VAV2: variants seen among roughly 807,000 people sequenced by gnomAD.
VAV2 encodes the protein guanine nucleotide exchange factor VAV2.
Under a neutral mutation model 132.5 loss-of-function variants are expected in VAV2, and 67 were observed. The ratio of observed to expected loss-of-function variants is 0.51; its 90% confidence interval spans 0.42 to 0.62. The LOEUF is 0.62. Ranked by LOEUF, VAV2 falls within the 20% of genes least tolerant of loss-of-function variation. VAV2 has a pLI of 0.00. For synonymous variants in VAV2, 492 were observed against 443.5 expected (o/e 1.11, Z -1.37); for missense variants, 938 against 1,153.6 (o/e 0.81, Z 2.71).
At position 133,802,618 on chromosome 9, in the gene VAV2, G is replaced by A. The variant is rs761866795; in HGVS notation, c.836+3463C>T. Among the ~76,000 whole-genome samples, 19 of 152,284 alleles carry A rather than the reference G, an allele frequency of 1.2e-4. No homozygotes were observed. Among genetic ancestry groups the A allele is most frequent in the East Asian group, 7.7e-4 (4 of 5,178 alleles). On this transcript the variant is annotated intron_variant, in intron 9 of 29. Transcript: ENST00000371850. The surrounding 1 kb of genome is among the most constrained non-coding windows in gnomAD (Gnocchi z 5.8). ...TCGTGAGTTGACAGACCCGTGGCCC[G>A]AGCTCCGTGGGTATTTGTGTGAGGA...
At chr9:133,988,094 C>G (rs1181358304) in intron 1 of VAV2, among the ~76,000 whole-genome samples, 2 of 152,196 alleles carry the variant, frequency 1.3e-5, no homozygotes, top group African/African-American at 4.8e-5. Context: ...AGGGGAAATT[C>G]TGGAAGGAGG....
chr9:133,911,293 G>T (rs1218268804), intron 2 of VAV2, among the ~76,000 whole-genome samples: 4 of 152,232 alleles, frequency 2.6e-5, no homozygotes, highest in African/African-American at 9.6e-5. Context: ...AACTTTCTGT[G>T]AAGAGAGAAA....
chr9:133,820,704 G>A (rs1252260820), intron 4 of VAV2, among the ~76,000 whole-genome samples: 1 of 152,216 alleles, frequency 6.6e-6, no homozygotes, highest in Admixed American at 6.5e-5. Context: ...CTTACGTCAT[G>A]ACCAGCAGGC....
In VAV2 at chr9:133,802,355, C is replaced by CACACACACACACACACACA. The variant is rs1834966353; in HGVS notation, c.836+3725_836+3726insTGTGTGTGTGTGTGTGTGT. Among the ~76,000 whole-genome samples the CACACACACACACACACACA allele has an allele frequency of 6.7e-6, 1 of 150,300 alleles. No individual in the cohort carries two copies. Among genetic ancestry groups the CACACACACACACACACACA allele is most frequent in the African/African-American group, 2.5e-5 (1 of 40,428 alleles). On this transcript the variant is annotated intron_variant, in intron 9 of 29. Transcript: ENST00000371850. This position sits in a 1 kb window ranked among gnomAD's most constrained non-coding sequence, Gnocchi z 5.8. ...ACACACACACACACACACACACACA[C>CACACACACACACACACACA]GACTTCATGCATTCCTGGTCTGGTT...
intron 9 of VAV2, among the ~76,000 whole-genome samples, chr9:133,800,065 A>T (rs1834872815): frequency 2.6e-5 from 4 of 152,210 alleles, no homozygotes; most frequent in Non-Finnish European, 5.9e-5. Flanking sequence ...ACCCATGGGG[A>T]CACTGAGGCT....
intron 3 of VAV2, among the ~76,000 whole-genome samples, chr9:133,842,331 G>T (rs1013891804): frequency 6.6e-6 from 1 of 152,228 alleles, no homozygotes; most frequent in Non-Finnish European, 1.5e-5. Context: ...CAGGGAGGCT[G>T]CTCCACGTGA....
intron 6 of VAV2, 119 bp downstream of exon 6, chr9:133,810,072 G>A: frequency 7.0e-7 from 1 of 1,429,270 alleles, no homozygotes; most frequent in African/African-American, 1.4e-5. Flanking sequence ...ATGTGTGCCT[G>A]ACCATGTCTT....
intron 2 of VAV2, among the ~76,000 whole-genome samples, chr9:133,938,268 G>A (rs1370989914): frequency 6.6e-6 from 1 of 152,228 alleles, no homozygotes; most frequent in Admixed American, 6.5e-5. Flanking sequence ...CGGGGGCCTG[G>A]GGCCTCCTCG....
At chr9:133,865,803 T>C (rs1199601006) in intron 2 of VAV2, among the ~76,000 whole-genome samples, 1 of 152,258 alleles carries the variant, frequency 6.6e-6, no homozygotes, top group Non-Finnish European at 1.5e-5. Context: ...TATTGTTCTA[T>C]GCTGTAAGTG....
intron 3 of VAV2, among the ~76,000 whole-genome samples, chr9:133,839,656 G>A (rs1836638453): frequency 6.6e-6 from 1 of 151,948 alleles, no homozygotes; most frequent in Non-Finnish European, 1.5e-5. Context: ...TCACTATGGT[G>A]GCCATGCTGG....
chr9:133,914,664 A>G (rs1435888080), intron 2 of VAV2, among the ~76,000 whole-genome samples: 1 of 13,540 alleles, frequency 7.4e-5, no homozygotes, highest in Non-Finnish European at 1.4e-4. Context: ...GGGAGGGGGG[A>G]GGGGAGGAAG....
At chr9:133,967,034 C>CAAAAAAA (rs71380266) in intron 1 of VAV2, among the ~76,000 whole-genome samples, 2 of 106,182 alleles carry the variant, frequency 1.9e-5, no homozygotes, top group African/African-American at 7.3e-5. Context: ...GACTTTGTCT[C>CAAAAAAA]AAAAAAAAAA....
At chr9:133,859,810 T>C (rs1005650421) in intron 3 of VAV2, among the ~76,000 whole-genome samples, 10 of 152,162 alleles carry the variant, frequency 6.6e-5, no homozygotes, top group Admixed American at 6.5e-4. Flanking sequence ...AAACATGTTT[T>C]AAACGGTGCC....
intron 29 of VAV2, among the ~76,000 whole-genome samples, chr9:133,766,322 A>G (rs1833429570): frequency 6.6e-6 from 1 of 152,194 alleles, no homozygotes; most frequent in Admixed American, 6.5e-5. Flanking sequence ...ATCCTCTCCA[A>G]TGTATGTTTA....
chr9:133,886,342 A>C (rs1459111607), intron 2 of VAV2, among the ~76,000 whole-genome samples: 1 of 152,198 alleles, frequency 6.6e-6, no homozygotes. Flanking sequence ...CTCAGAGCCT[A>C]CCGCGTGCCT....
chr9:133,775,382 A>G (rs765987731), intron 24 of VAV2, among the ~76,000 whole-genome samples: 10 of 152,244 alleles, frequency 6.6e-5, no homozygotes, highest in Admixed American at 3.9e-4. Context: ...AGAGGAGTTC[A>G]GCGTATTCAG....
intron 2 of VAV2, among the ~76,000 whole-genome samples, chr9:133,932,211 C>G (rs1046818604): frequency 6.6e-6 from 1 of 152,234 alleles, no homozygotes; most frequent in Non-Finnish European, 1.5e-5. Flanking sequence ...TCTCCACACT[C>G]CTTCCCAGCT....
chr9:133,856,053 G>A (rs1019450576), intron 3 of VAV2, among the ~76,000 whole-genome samples: 10 of 152,230 alleles, frequency 6.6e-5, no homozygotes, highest in African/African-American at 2.2e-4. Flanking sequence ...AGCCACGTGC[G>A]AAAGGCACGC....
chr9:133,809,189 C>T, intron 6 of VAV2, 51 bp from the exon 7 acceptor site: 2 of 1,513,578 alleles, frequency 1.3e-6, no homozygotes, highest in Non-Finnish European at 1.8e-6. Flanking sequence ...CGGCCACCTG[C>T]CACCTGCACA....
Sources: gnomAD v4.1 joint callset for allele counts (sites outside exome capture counted in the v4.1 genomes callset) on GRCh38, gnomAD v4.1.1 for gene constraint, Gnocchi (gnomAD v3.1) non-coding constraint, MANE v1.5 for transcripts, NCBI Gene and HGNC (gene_info 2026-07-23, HGNC 2026-07-21) for gene names.